The following ZNF578 variants were observed in gnomAD, a reference collection of about 807,000 sequenced individuals.
ZNF578 encodes the protein zinc finger protein 578.
Under a neutral mutation model 8.3 loss-of-function variants are expected in ZNF578, and 8 were observed. The observed-to-expected ratio is 0.96, with a 90% CI of 0.56 to 1.74. The LOEUF is 1.74. ZNF578 is among the 40% of genes most tolerant of loss of function. The probability of loss-of-function intolerance (pLI) is 0.00; values close to 1 mark genes in which losing one functional copy is unlikely to be tolerated. For synonymous variants in ZNF578, 206 were observed against 232.2 expected (o/e 0.89, Z 1.03); for missense variants, 726 against 707.5 (o/e 1.03, Z -0.30).
At position 52,510,740 on chromosome 19, in the gene ZNF578, A is replaced by T; in HGVS notation, c.359A>T (p.Asp120Val). The T allele has an allele frequency of 6.2e-7, 1 of 1,612,758 alleles. No individual in the cohort carries two copies. Among genetic ancestry groups the T allele is most frequent in the East Asian group, 2.2e-5 (1 of 44,870 alleles). The change falls in exon 6 of 6, where the codon GAT (aspartate) becomes GTT (valine). Residue 120 changes from aspartate to valine, a missense_variant. Transcript: ENST00000421239. ...IHDFEFQSQK[D>V]ERNGHEASMP... ...GACTTTGAGTTTCAGTCACAAAAAG[A>T]TGAAAGAAATGGCCATGAAGCATCC...
rs1234046263 is a variant in ZNF578 at position 52,511,909 on chromosome 19, C to T, written c.1528C>T (p.Pro510Ser). The T allele has an allele frequency of 6.2e-7, 1 of 1,613,676 alleles. No individual in the cohort carries two copies. The highest frequency in any genetic ancestry group is 1.1e-5 in the South Asian group (1 of 91,060). Residue 510 changes from proline (P) to serine (S), a missense_variant, in exon 6 of 6, where the codon CCT becomes TCT. Pro to Ser is a moderately conservative substitution (Grantham distance 74, BLOSUM62 -1). Coordinates refer to ENST00000421239, the MANE Select transcript of ZNF578 (RefSeq NM_001099694.2). ...TCGTAGACTTCATAGTGGTGAGAAA[C>T]CTTACAAGTGTAATGAATGTGGGAA... ...CHRRLHSGEK[P>S]YKCNECGKTF... is the part of the protein sequence containing the mutation.
At chr19:52,504,169 C>T (rs1039940190) in intron 4 of ZNF578, among the ~76,000 whole-genome samples, 3 of 144,014 alleles carry the variant, frequency 2.1e-5, no homozygotes, top group Non-Finnish European at 3.0e-5. Flanking sequence ...TGGCTCACTG[C>T]GGCCTCCATC....
At chr19:52,501,534 T>G (rs1457282354) in intron 3 of ZNF578, among the ~76,000 whole-genome samples, 1 of 152,076 alleles carries the variant, frequency 6.6e-6, no homozygotes, top group African/African-American at 2.4e-5. Flanking sequence ...CTGGATGCGG[T>G]TTGATCAGGG....
At chr19:52,490,331 A>G (rs1266425939) in intron 2 of ZNF578, among the ~76,000 whole-genome samples, 3 of 152,224 alleles carry the variant, frequency 2.0e-5, no homozygotes, top group Admixed American at 2.0e-4. Context: ...CGCATACATC[A>G]GAAGGTACTG....
intron 2 of ZNF578, among the ~76,000 whole-genome samples, chr19:52,478,761 T>G (rs2059315870): frequency 6.6e-6 from 1 of 152,102 alleles, no homozygotes; most frequent in African/African-American, 2.4e-5. Context: ...TCTCCCAGGC[T>G]GGAGTGCAGT....
chr19:52,507,114 G>A (rs774075242), intron 5 of ZNF578, among the ~76,000 whole-genome samples: 3 of 152,160 alleles, frequency 2.0e-5, no homozygotes, highest in African/African-American at 7.2e-5. Flanking sequence ...CTGGATGGTC[G>A]TGATGGCTCA....
chr19:52,502,051 AC>A, intron 4 of ZNF578, 143 bp downstream of exon 4: 2 of 1,301,160 alleles, frequency 1.5e-6, no homozygotes, highest in Non-Finnish European at 2.1e-6. Context: ...GCTTGCACTC[AC>A]CCATGCCTGC....
Position 52,461,047 on chromosome 19 carries a change from T to G in ZNF578, c.-122+4089T>G, listed in dbSNP as rs943416189. ...TTTGCAATAGTTGATCCTCCAACGG[T>G]CCATTTAAGAGGATTCACATTTGAA... On this transcript the variant is annotated intron_variant, in intron 2 of 5. Transcript: ENST00000421239. Among the ~76,000 whole-genome samples the G allele has an allele frequency of 4.6e-5, 7 of 152,188 alleles. No individual in the cohort carries two copies. The South Asian group carries it at 6.2e-4, about 14-fold the overall frequency.
Position 52,515,299 on chromosome 19 carries a change from T to G in ZNF578, c.*3145T>G, listed in dbSNP as rs538774195. Among the ~76,000 whole-genome samples the G allele has an allele frequency of 6.6e-6, 1 of 152,272 alleles. No homozygotes were observed. Among genetic ancestry groups the G allele is most frequent in the East Asian group, 1.9e-4 (1 of 5,188 alleles). On this transcript the variant is annotated 3_prime_UTR_variant, in exon 6 of 6. Coordinates refer to ENST00000421239, the MANE Select transcript of ZNF578 (RefSeq NM_001099694.2). Reference sequence around the variant, plus strand: ...TCTTGATTGAAATAATTTGCTTATTTCTTAGTTCTACAGCTGACCCTCTTT... The same window carrying G: ...TCTTGATTGAAATAATTTGCTTATTGCTTAGTTCTACAGCTGACCCTCTTT...
intron 3 of ZNF578, among the ~76,000 whole-genome samples, chr19:52,495,787 T>C (rs796231758): frequency 2.6e-5 from 4 of 151,960 alleles, no homozygotes; most frequent in African/African-American, 7.2e-5. Flanking sequence ...AGAGGCAGCT[T>C]CCCTCTGCAA....
At chr19:52,477,339 T>C (rs1599890349) in intron 2 of ZNF578, among the ~76,000 whole-genome samples, 1 of 152,136 alleles carries the variant, frequency 6.6e-6, no homozygotes, top group Non-Finnish European at 1.5e-5. Context: ...GTCTGAAATA[T>C]GAATGCCCTT....
chr19:52,501,753 C>T (rs936580421), intron 3 of ZNF578, 74 bp from the exon 4 acceptor site: 3 of 1,503,952 alleles, frequency 2.0e-6, no homozygotes, highest in Non-Finnish European at 1.8e-6. Context: ...GATGTCTCCC[C>T]GTTCCTGTGT....
intron 2 of ZNF578, chr19:52,473,997 C>G (rs546387722): frequency 2.5e-6 from 1 of 398,330 alleles, no homozygotes; most frequent in Non-Finnish European, 5.1e-6. Context: ...GGTTTCTCTC[C>G]AGTATGAGTT....
chr19:52,485,984 A>T (rs1350941410), intron 2 of ZNF578, among the ~76,000 whole-genome samples: 1 of 152,136 alleles, frequency 6.6e-6, no homozygotes, highest in Non-Finnish European at 1.5e-5. Context: ...AGGATTAGTG[A>T]AAGAGGAAGG....
chr19:52,509,471 T>A (rs2059436832), intron 5 of ZNF578, among the ~76,000 whole-genome samples: 1 of 152,188 alleles, frequency 6.6e-6, no homozygotes, highest in Non-Finnish European at 1.5e-5. Context: ...GTATGCAATA[T>A]AACTGACACA....
chr19:52,491,775 C>G (rs2059365843), intron 3 of ZNF578, among the ~76,000 whole-genome samples: 1 of 151,968 alleles, frequency 6.6e-6, no homozygotes, highest in African/African-American at 2.4e-5. Flanking sequence ...AACAAACGTA[C>G]TGGGACAACT....
chr19:52,496,545 G>A (rs926033365), intron 3 of ZNF578, among the ~76,000 whole-genome samples: 2 of 148,782 alleles, frequency 1.3e-5, no homozygotes, highest in African/African-American at 5.0e-5. Context: ...TAGCCAGGAT[G>A]GTCTCGATCT....
intron 3 of ZNF578, among the ~76,000 whole-genome samples, chr19:52,493,986 G>A (rs949977607): frequency 8.7e-6 from 1 of 114,286 alleles, no homozygotes; most frequent in Non-Finnish European, 1.9e-5. Flanking sequence ...GCAAAACTCC[G>A]TCCAAAAAAA....
Position 52,514,962 on chromosome 19 carries a change from CTT to C in ZNF578, c.*2825_*2826del, listed in dbSNP as rs35788845. Among the ~76,000 whole-genome samples the C allele has an allele frequency of 3.7e-4, 46 of 122,874 alleles. No homozygotes were observed. Among genetic ancestry groups the C allele is most frequent in the East Asian group, 4.9e-4 (2 of 4,120 alleles). The allele number at this position is 122,874 out of a possible 152,430, so 80.6% of individuals were successfully genotyped here. ...AGGCATGAGCTACCACGTCGAGACTCTTTTTTTTTTTTTTTTTTAGATGGAGT... is the reference window on the plus strand; with the variant it reads ...AGGCATGAGCTACCACGTCGAGACTCTTTTTTTTTTTTTTTTAGATGGAGT... On this transcript the variant is annotated 3_prime_UTR_variant, in exon 6 of 6. Transcript: ENST00000421239.
Sources: gnomAD v4.1 joint callset for allele counts (sites outside exome capture counted in the v4.1 genomes callset) on GRCh38, gnomAD v4.1.1 for gene constraint, MANE v1.5 for transcripts, NCBI Gene and HGNC (gene_info 2026-07-23, HGNC 2026-07-21) for gene names.